RORA: variants seen among roughly 807,000 people sequenced by gnomAD.
RORA encodes nuclear receptor ROR-alpha.
Under a neutral mutation model 69.5 loss-of-function variants are expected in RORA, and 7 were observed. The observed-to-expected ratio is 0.10, with a 90% CI of 0.06 to 0.19. The LOEUF is 0.19. Ranked by LOEUF, RORA falls within the 10% of genes least tolerant of loss-of-function variation. The probability of loss-of-function intolerance (pLI) is 1.00; values close to 1 mark genes in which losing one functional copy is unlikely to be tolerated. For synonymous variants in RORA, 261 were observed against 240.8 expected, an observed-to-expected ratio of 1.08 and a Z score of -0.78; for missense variants, 457 against 663.0, an observed-to-expected ratio of 0.69 and a Z score of 3.41.
chr15:60,540,171 G>A (rs375486373), intron 2 of RORA, among the ~76,000 whole-genome samples: 23 of 152,134 alleles, frequency 1.5e-4, no homozygotes, highest in African/African-American at 4.3e-4. Flanking sequence ...ATTTTCTTGC[G>A]ATCAACCTCA....
intron 1 of RORA, among the ~76,000 whole-genome samples, chr15:60,858,952 G>T (rs2073409037): frequency 6.6e-6 from 1 of 151,818 alleles, no homozygotes; most frequent in South Asian, 2.1e-4. Flanking sequence ...CTTGCCACAG[G>T]AATGTTCTGT....
At chr15:60,672,899 G>A (rs528171778) in intron 2 of RORA, among the ~76,000 whole-genome samples, 3 of 152,284 alleles carry the variant, frequency 2.0e-5, no homozygotes, top group Middle Eastern at 3.4e-3. Context: ...ATGAAACTAA[G>A]CATATTGCAA....
chr15:60,619,219 C>T lies in RORA; in HGVS notation c.196+59438G>A, dbSNP rs543234756. ...TGCTTTCTTCGAGTTAAAGCATGAT[C>T]GTGGTAACGAAATGACTACAAAAAT... On this transcript the variant is annotated intron_variant, in intron 2 of 10. Transcript: ENST00000335670. Among the ~76,000 whole-genome samples the T allele has an allele frequency of 3.9e-5, 6 of 152,306 alleles. No homozygotes were observed. In the East Asian group the frequency reaches 1.2e-3, roughly 29 times the overall value.
At chr15:60,931,531 T>G (rs569687803) in intron 1 of RORA, among the ~76,000 whole-genome samples, 1 of 152,368 alleles carries the variant, frequency 6.6e-6, no homozygotes, top group South Asian at 2.1e-4. Flanking sequence ...TCCTTTCTTC[T>G]CATGAAGTGT....
intron 1 of RORA, among the ~76,000 whole-genome samples, chr15:60,839,948 T>C (rs1211376274): frequency 6.6e-6 from 1 of 152,110 alleles, no homozygotes; most frequent in Non-Finnish European, 1.5e-5. Context: ...AAAATGTAAA[T>C]AGAGAAGGCA....
At chr15:60,824,155 A>G (rs890475569) in intron 1 of RORA, among the ~76,000 whole-genome samples, 17 of 152,230 alleles carry the variant, frequency 1.1e-4, no homozygotes, top group Non-Finnish European at 2.9e-5. Flanking sequence ...AGAGATCTGC[A>G]TGAGGAGAGC....
chr15:60,925,310 A>T (rs1462250241), intron 1 of RORA, among the ~76,000 whole-genome samples: 2 of 152,072 alleles, frequency 1.3e-5, no homozygotes, highest in African/African-American at 4.8e-5. Context: ...CAGACTATCT[A>T]TCTTCTCTAA....
At position 60,597,112 on chromosome 15, in the gene RORA, G is replaced by A. The variant is rs138181533; in HGVS notation, c.197-65261C>T. Among the ~76,000 whole-genome samples, 396 of 152,192 alleles carry A rather than the reference G, an allele frequency of 2.6e-3. 2 individuals carry two copies. Among genetic ancestry groups the A allele is most frequent in the Middle Eastern group, 6.8e-3 (2 of 294 alleles). On this transcript the variant is annotated intron_variant, in intron 2 of 10. Coordinates refer to ENST00000335670, the MANE Select transcript of RORA (RefSeq NM_134261.3). ...GGTTGCCCATTGAAAAGATGTTTGC[G>A]CAGCACTGTGCCACTCACTAACAGT...
chr15:60,966,272 G>T (rs1893552346), intron 1 of RORA, among the ~76,000 whole-genome samples: 1 of 152,010 alleles, frequency 6.6e-6, no homozygotes. Flanking sequence ...CTATAATATG[G>T]TCACATGCTG....
At chr15:61,124,973 T>C (rs1226082984) in intron 1 of RORA, among the ~76,000 whole-genome samples, 2 of 152,190 alleles carry the variant, frequency 1.3e-5, no homozygotes, top group Non-Finnish European at 2.9e-5. Flanking sequence ...CCCATTCTTA[T>C]TCCACCCCTG....
intron 3 of RORA, among the ~76,000 whole-genome samples, chr15:60,516,050 T>A: frequency 4.7e-4 from 3 of 6,436 alleles, no homozygotes; most frequent in African/African-American, 9.8e-4. Context: ...TATATATTTA[T>A]ATATATTTAT....
chr15:60,614,249 T>C (rs1473470977), intron 2 of RORA, among the ~76,000 whole-genome samples: 4 of 152,134 alleles, frequency 2.6e-5, no homozygotes, highest in Non-Finnish European at 5.9e-5. Context: ...TGGAGTACTT[T>C]CCTCCTAATC....
At chr15:61,171,193 G>C (rs2079581900) in intron 1 of RORA, among the ~76,000 whole-genome samples, 1 of 152,112 alleles carries the variant, frequency 6.6e-6, no homozygotes, top group South Asian at 2.1e-4. Context: ...TTGGCTTTCA[G>C]GGCAGAAATC....
At position 60,490,259 on chromosome 15, in the gene RORA, G is replaced by T. The variant is rs1049299170; in HGVS notation, c.*7196C>A. On this transcript the variant is annotated 3_prime_UTR_variant, in exon 11 of 11. Coordinates refer to ENST00000335670, the MANE Select transcript of RORA (RefSeq NM_134261.3). The surrounding 1 kb of genome is among the most constrained non-coding windows in gnomAD (Gnocchi z 4.1). The stretch of plus-strand genomic sequence containing the variant: ...TCTAGGAATAAAAGGGATAATTTTT[G>T]TTGTTCACAAAAGTAACTTGTCTAG... The T allele has an allele frequency of 6.6e-6, 1 of 151,690 alleles. No homozygotes were observed. Among genetic ancestry groups the T allele is most frequent in the Non-Finnish European group, 1.5e-5 (1 of 67,902 alleles). 9.4% of individuals were successfully genotyped at this position (151,690 alleles called of 1,614,324 possible). A position where few individuals can be genotyped will look rare whatever the true frequency, so the allele number is the denominator to read the frequency against.
rs2066610867 is a variant in RORA at position 60,534,190 on chromosome 15, A to G, written c.197-2339T>C. ...GCTGTGACCAAGATGCCTGCCTGGC[A>G]CGGAGGTCTGCTCATGATGGGGGTG... On this transcript the variant is annotated intron_variant, in intron 2 of 10. Coordinates refer to ENST00000335670, the MANE Select transcript of RORA (RefSeq NM_134261.3). The surrounding 1 kb of genome is among the most constrained non-coding windows in gnomAD (Gnocchi z 5.0). Among the ~76,000 whole-genome samples, 1 of 152,208 alleles carries G rather than the reference A, an allele frequency of 6.6e-6. No individual in the cohort carries two copies. Among genetic ancestry groups the G allele is most frequent in the South Asian group, 2.1e-4 (1 of 4,832 alleles).
At chr15:60,597,611 TATATATACATAC>T (rs1567115594) in intron 2 of RORA, among the ~76,000 whole-genome samples, 2 of 44,592 alleles carry the variant, frequency 4.5e-5, no homozygotes, top group African/African-American at 1.2e-4. Context: ...TATATATATA[TATATATACATAC>T]ATATATATAC....
intron 2 of RORA, among the ~76,000 whole-genome samples, chr15:60,629,136 C>T (rs1223098435): frequency 6.7e-6 from 1 of 149,750 alleles, no homozygotes; most frequent in Non-Finnish European, 1.5e-5. Context: ...CACAGCACTC[C>T]GATTGTTTTC....
chr15:61,094,265 C>G (rs893925009), intron 1 of RORA, among the ~76,000 whole-genome samples: 2 of 152,108 alleles, frequency 1.3e-5, no homozygotes, highest in Non-Finnish European at 2.9e-5. Flanking sequence ...CCAGAAAGAC[C>G]TATAGATTTA....
chr15:61,215,936 G>A (rs1006161587), intron 1 of RORA, among the ~76,000 whole-genome samples: 3 of 152,064 alleles, frequency 2.0e-5, no homozygotes, highest in Non-Finnish European at 2.9e-5. Flanking sequence ...CATTACTACC[G>A]CATATTAGAA....
Sources: allele counts gnomAD v4.1 joint callset (sites outside exome capture counted in the v4.1 genomes callset), GRCh38; gene constraint gnomAD v4.1.1; non-coding constraint Gnocchi (gnomAD v3.1); transcripts MANE v1.5; gene names NCBI Gene and HGNC (gene_info 2026-07-23, HGNC 2026-07-21).